FRMD4B: variants seen among roughly 807,000 people sequenced by gnomAD.
FRMD4B encodes FERM domain containing 4B.
A neutral mutation model predicts 141.5 loss-of-function variants in FRMD4B; 74 were observed. The observed-to-expected ratio is 0.52, with a 90% confidence interval of 0.43 to 0.63. The LOEUF is 0.63. Ranked by LOEUF, FRMD4B falls within the 30% of genes least tolerant of loss-of-function variation. The probability of loss-of-function intolerance (pLI) is 0.00; values close to 1 mark genes in which losing one functional copy is unlikely to be tolerated. For synonymous variants in FRMD4B, 506 were observed against 467.9 expected, an observed-to-expected ratio of 1.08 and a Z score of -1.05; for missense variants, 1,366 against 1,253.4, an observed-to-expected ratio of 1.09 and a Z score of -1.36.
intron 1 of FRMD4B, among the ~76,000 whole-genome samples, chr3:69,524,192 T>A (rs72937448): frequency 0.04 from 6,037 of 152,260 alleles, 336 homozygotes; most frequent in East Asian, 0.12. Flanking sequence ...TAATTAATAA[T>A]GATACAAATA....
At chr3:69,429,895 G>T (rs1705148778) in intron 2 of FRMD4B, among the ~76,000 whole-genome samples, 2 of 151,898 alleles carry the variant, frequency 1.3e-5, no homozygotes, top group Admixed American at 6.6e-5. Context: ...AAGTAGCTGG[G>T]ATTATAGGCA....
chr3:69,203,116 A>G (rs887664249), intron 11 of FRMD4B, among the ~76,000 whole-genome samples: 1 of 151,886 alleles, frequency 6.6e-6, no homozygotes, highest in East Asian at 1.9e-4. Context: ...TGGTTTTAGA[A>G]TAATTTGCTG....
At chr3:69,451,043 T>C (rs1705489225) in intron 1 of FRMD4B, among the ~76,000 whole-genome samples, 1 of 152,212 alleles carries the variant, frequency 6.6e-6, no homozygotes, top group African/African-American at 2.4e-5. Context: ...TGATGACTTC[T>C]AGCAGAGCTT....
chr3:69,408,284 C>T (rs1456072259), intron 2 of FRMD4B, among the ~76,000 whole-genome samples: 2 of 152,158 alleles, frequency 1.3e-5, no homozygotes, highest in Non-Finnish European at 2.9e-5. Flanking sequence ...AGTCATGAGG[C>T]CTGAAAGGTT....
intron 1 of FRMD4B, among the ~76,000 whole-genome samples, chr3:69,374,830 G>A (rs1703922707): frequency 1.3e-5 from 2 of 152,160 alleles, no homozygotes; most frequent in African/African-American, 4.8e-5. Context: ...TGGCCATCCA[G>A]TCTACAATTC....
rs1250025594 is a variant in FRMD4B at position 69,504,119 on chromosome 3, T to G, written c.-129+38087A>C. 3.9e-5 allele frequency among the ~76,000 whole-genome samples: 6 copies of G among 152,210 alleles called. No individual in the cohort carries two copies. In the East Asian group the frequency reaches 1.2e-3, roughly 29 times the overall value. The stretch of plus-strand genomic sequence containing the variant: ...TTTTTTTGAGACCTTCTTCTAAAGC[T>G]TATACACACACATATTTTGCATAAT... On this transcript the variant is annotated intron_variant, in intron 1 of 5. Coordinates refer to the FRMD4B transcript ENST00000459638.
upstream of FRMD4B, among the ~76,000 whole-genome samples, chr3:69,390,332 C>G (rs559621445): frequency 6.6e-6 from 1 of 152,276 alleles, no homozygotes; most frequent in South Asian, 2.1e-4. Flanking sequence ...GGACGTCCAA[C>G]ATAGGGCTTG....
intron 2 of FRMD4B, among the ~76,000 whole-genome samples, chr3:69,406,735 TTTTG>T (rs1477295396): frequency 2.6e-5 from 4 of 151,872 alleles, no homozygotes; most frequent in Admixed American, 6.6e-5. Context: ...TAGGTTTTGT[TTTTG>T]TTTTTTTTTT....
At chr3:69,344,547 G>A (rs895359042) in intron 1 of FRMD4B, among the ~76,000 whole-genome samples, 2 of 152,232 alleles carry the variant, frequency 1.3e-5, no homozygotes, top group African/African-American at 2.4e-5. Context: ...TCTGAAGACT[G>A]AATATGAAAA....
At chr3:69,472,993 T>A (rs1183475025) in intron 1 of FRMD4B, among the ~76,000 whole-genome samples, 1 of 148,178 alleles carries the variant, frequency 6.7e-6, no homozygotes, top group Non-Finnish European at 1.5e-5. Context: ...TAATTCCCTC[T>A]GGGCATTATT....
At chr3:69,230,313 T>TA (rs1325486023) in intron 7 of FRMD4B, among the ~76,000 whole-genome samples, 1 of 152,310 alleles carries the variant, frequency 6.6e-6, no homozygotes, top group East Asian at 1.9e-4. Flanking sequence ...GTCTAGTTTA[T>TA]ATGGAGATGA....
At chr3:69,215,727 G>A (rs1375210389) in intron 11 of FRMD4B, among the ~76,000 whole-genome samples, 2 of 152,166 alleles carry the variant, frequency 1.3e-5, no homozygotes, top group African/African-American at 2.4e-5. Context: ...GAGATCACTA[G>A]CACCAAAACT....
In FRMD4B at chr3:69,332,835, G is replaced by A. The variant is rs55768464; in HGVS notation, c.163-19318C>T. On this transcript the variant is annotated intron_variant, in intron 1 of 22. Transcript: ENST00000398540. The stretch of plus-strand genomic sequence containing the variant: ...ACTCCTGGGCTCCAACAATCCTCCC[G>A]CCTTAAGCGCTGGGATTACAGGCAT... Among the ~76,000 whole-genome samples, 936 of 132,054 alleles carry A rather than the reference G, an allele frequency of 7.1e-3. 11 individuals carry two copies. The highest frequency in any genetic ancestry group is 0.026 in the African/African-American group (911 of 34,908). 86.6% of individuals were successfully genotyped at this position (132,054 alleles called of 152,430 possible). A position where few individuals can be genotyped will look rare whatever the true frequency, so the allele number is the denominator to read the frequency against.
intron 5 of FRMD4B, among the ~76,000 whole-genome samples, chr3:69,258,274 C>G (rs2093504910): frequency 6.6e-6 from 1 of 151,784 alleles, no homozygotes; most frequent in Non-Finnish European, 1.5e-5. Flanking sequence ...CCAGTATATT[C>G]AGTATTTAAT....
chr3:69,504,393 T>G (rs72937404), intron 1 of FRMD4B, among the ~76,000 whole-genome samples: 17,434 of 152,228 alleles, frequency 0.11, 1,086 homozygotes, highest in Admixed American at 0.14. Flanking sequence ...TATTCAGAGT[T>G]GTGCAACCAT....
At chr3:69,207,820 A>G (rs1045108644) in intron 11 of FRMD4B, among the ~76,000 whole-genome samples, 1 of 151,042 alleles carries the variant, frequency 6.6e-6, no homozygotes, top group Non-Finnish European at 1.5e-5. Flanking sequence ...AAAAAAAAAA[A>G]GAAAAAACAA....
At chr3:69,504,285 C>G (rs564782883) in intron 1 of FRMD4B, among the ~76,000 whole-genome samples, 6 of 152,044 alleles carry the variant, frequency 3.9e-5, no homozygotes, top group Non-Finnish European at 7.4e-5. Context: ...TTTTAAGTAA[C>G]CCCGGGATGA....
chr3:69,456,286 G>A (rs1213066219), intron 1 of FRMD4B, among the ~76,000 whole-genome samples: 1 of 152,204 alleles, frequency 6.6e-6, no homozygotes, highest in Non-Finnish European at 1.5e-5. Flanking sequence ...AGAAGTGTAA[G>A]TTGATGTAAG....
intron 19 of FRMD4B, among the ~76,000 whole-genome samples, chr3:69,185,436 A>T (rs903797916): frequency 6.6e-6 from 1 of 152,090 alleles, no homozygotes; most frequent in Non-Finnish European, 1.5e-5. Context: ...CTTTATTTAA[A>T]TTTTTTTAAT....
Sources: allele counts gnomAD v4.1 joint callset (sites outside exome capture counted in the v4.1 genomes callset), GRCh38; gene constraint gnomAD v4.1.1; transcripts MANE v1.5; gene names NCBI Gene and HGNC (gene_info 2026-07-23, HGNC 2026-07-21).